SYNE1: variants seen among roughly 807,000 people sequenced by gnomAD.
SYNE1 encodes the protein spectrin repeat containing nuclear envelope protein 1, also known as nesprin-1.
In SYNE1, 616 loss-of-function variants were observed where a neutral mutation model predicts 1,111.0. The ratio of observed to expected loss-of-function variants is 0.55; its 90% CI spans 0.52 to 0.59. The LOEUF is 0.59. Among genes scored for constraint, SYNE1 ranks in the 20% least tolerant of loss-of-function variants. The pLI, the probability that SYNE1 is intolerant of heterozygous loss-of-function variation, is 0.00. For missense variants in SYNE1, 10,006 were observed against 10,417.0 expected (o/e 0.96, Z 1.72); for synonymous variants, 3,855 against 3,825.8 (o/e 1.01, Z -0.28).
chr6:152,460,717 A>G (rs558338800), intron 21 of SYNE1, among the ~76,000 whole-genome samples: 1 of 151,832 alleles, frequency 6.6e-6, no homozygotes, highest in African/African-American at 2.4e-5. Flanking sequence ...AAGGAAAATC[A>G]CTGAATAGAC....
At chr6:152,131,976 G>C in intron 144 of SYNE1, 146 bp downstream of exon 144, 1 of 664,878 alleles carries the variant, frequency 1.5e-6, no homozygotes, top group Non-Finnish European at 2.7e-6. Flanking sequence ...GAGGGGATGT[G>C]GCAGGGCTGA....
At chr6:152,502,528 A>G (rs531794202) in intron 10 of SYNE1, 105 bp downstream of exon 10, 7 of 859,548 alleles carry the variant, frequency 8.1e-6, no homozygotes, top group Admixed American at 7.8e-5. Context: ...AGTTGGTCTC[A>G]TATTAAAATG....
At chr6:152,504,717 T>A (rs1159100110) in intron 9 of SYNE1, among the ~76,000 whole-genome samples, 1 of 152,202 alleles carries the variant, frequency 6.6e-6, no homozygotes, top group Non-Finnish European at 1.5e-5. Flanking sequence ...CAAAAAGTCT[T>A]AGCACTCACG....
At chr6:152,525,194 G>A (rs924449518) in intron 5 of SYNE1, among the ~76,000 whole-genome samples, 1 of 152,072 alleles carries the variant, frequency 6.6e-6, no homozygotes, top group Non-Finnish European at 1.5e-5. Context: ...AGCTATTTGA[G>A]GGCTCCCTGT....
At chr6:152,590,775 C>T (rs556289847) in intron 3 of SYNE1, among the ~76,000 whole-genome samples, 1 of 152,318 alleles carries the variant, frequency 6.6e-6, no homozygotes, top group Non-Finnish European at 1.5e-5. Context: ...ATCTAATTCA[C>T]TTTTCCTTTG....
Position 152,387,216 on chromosome 6 carries a change from A to G in SYNE1, c.8343T>C (p.Ser2781=), listed in dbSNP as rs1221053052. The stretch of plus-strand genomic sequence containing the variant: ...GGGCTCTCGTGTGATCTTCTGCCTC[A>G]GACAGGATGGACTGGAGGTGGTCAA... ...VLLDHLQSIL[S]EAEDHTRALH... Residue 2781 remains serine (S), a synonymous_variant, in exon 54 of 146, where the codon TCT becomes TCC. Coordinates refer to ENST00000367255, the MANE Select transcript of SYNE1 (RefSeq NM_182961.4). 6.2e-7 allele frequency: 1 copy of G among 1,614,172 alleles called. No homozygotes were observed.
At chr6:152,540,042 G>A (rs371410715) in intron 3 of SYNE1, 21 bp from the exon 4 acceptor site, 40 of 1,609,256 alleles carry the variant, frequency 2.5e-5, no homozygotes, top group Non-Finnish European at 3.3e-5. Context: ...AAAGAAATCT[G>A]GTTAAATAAT....
At chr6:152,223,534 C>T (rs2080728341) in intron 117 of SYNE1, among the ~76,000 whole-genome samples, 1 of 152,020 alleles carries the variant, frequency 6.6e-6, no homozygotes, top group Non-Finnish European at 1.5e-5. Flanking sequence ...CAGAGAATTG[C>T]TTAAACCCGG....
At chr6:152,244,081 A>T (rs1430294740) in intron 106 of SYNE1, among the ~76,000 whole-genome samples, 1 of 152,182 alleles carries the variant, frequency 6.6e-6, no homozygotes, top group Admixed American at 6.5e-5. Context: ...TCAAACATAT[A>T]TGGAGGATAA....
At chr6:152,480,384 G>A (rs1005563227) in intron 14 of SYNE1, among the ~76,000 whole-genome samples, 3 of 152,124 alleles carry the variant, frequency 2.0e-5, no homozygotes, top group African/African-American at 7.2e-5. Flanking sequence ...AGCCAGGCAT[G>A]GTGGTGGATG....
intron 51 of SYNE1, 33 bp from the exon 52 acceptor site, chr6:152,391,601 A>C (rs754661790): frequency 3.9e-6 from 6 of 1,532,902 alleles, no homozygotes; most frequent in Non-Finnish European, 3.5e-6. Flanking sequence ...AAAAGAAAAA[A>C]AATTAATTCT....
At chr6:152,328,154 C>G (rs78292246) in intron 78 of SYNE1, among the ~76,000 whole-genome samples, 175 of 152,108 alleles carry the variant, frequency 1.2e-3, no homozygotes, top group African/African-American at 3.7e-3. Context: ...AGGGACAGAG[C>G]CTTATAGGAT....
intron 76 of SYNE1, 107 bp from the exon 77 acceptor site, chr6:152,334,380 A>G: frequency 1.6e-6 from 2 of 1,280,986 alleles, no homozygotes; most frequent in South Asian, 1.4e-5. Flanking sequence ...GTTCCTTAAT[A>G]TGAAAAAAAC....
chr6:152,549,324 T>A (rs1288460377), intron 3 of SYNE1, among the ~76,000 whole-genome samples: 1 of 152,244 alleles, frequency 6.6e-6, no homozygotes, highest in Admixed American at 6.5e-5. Context: ...CATATTTAAC[T>A]GAACTAACCA....
chr6:152,247,638 G>A (rs1351664528), intron 105 of SYNE1, among the ~76,000 whole-genome samples: 2 of 150,638 alleles, frequency 1.3e-5, no homozygotes, highest in Non-Finnish European at 3.0e-5. Context: ...GCTGAGATGG[G>A]AGAACTGCTT....
At chr6:152,507,267 G>A (rs1037279868) in intron 8 of SYNE1, among the ~76,000 whole-genome samples, 1 of 151,724 alleles carries the variant, frequency 6.6e-6, no homozygotes, top group Non-Finnish European at 1.5e-5. Flanking sequence ...AATTAAGTGG[G>A]GTGTAAATAA....
At chr6:152,544,364 AAGC>A (rs2099295186) in intron 3 of SYNE1, among the ~76,000 whole-genome samples, 2 of 152,172 alleles carry the variant, frequency 1.3e-5, no homozygotes. Flanking sequence ...GTAACATTAA[AAGC>A]AACAACCACA....
intron 127 of SYNE1, among the ~76,000 whole-genome samples, chr6:152,194,352 C>T (rs2073511633): frequency 1.3e-5 from 2 of 152,160 alleles, no homozygotes; most frequent in South Asian, 4.1e-4. Context: ...GGTAAGGTTT[C>T]CACTGAAGAG....
At position 152,490,536 on chromosome 6, in the gene SYNE1, C is replaced by G. The variant is rs545456544; in HGVS notation, c.940-2033G>C. Among the ~76,000 whole-genome samples the G allele has an allele frequency of 3.3e-5, 5 of 152,212 alleles. No individual in the cohort carries two copies. In the South Asian group the frequency reaches 8.3e-4, roughly 25 times the overall value. ...TCTGGACAATGAATCTCGGAAGCTC[C>G]CCATTCAGCACCTTGTAACCCCTGC... On this transcript the variant is annotated intron_variant, in intron 11 of 145. Transcript: ENST00000367255.
Sources: gnomAD v4.1 joint callset for allele counts (sites outside exome capture counted in the v4.1 genomes callset) on GRCh38, gnomAD v4.1.1 for gene constraint, MANE v1.5 for transcripts, NCBI Gene and HGNC (gene_info 2026-07-23, HGNC 2026-07-21) for gene names.